Variants in ASAP1 observed in about 807,000 individuals in gnomAD.
ASAP1 encodes arf-GAP with SH3 domain, ANK repeat and PH domain-containing protein 1.
ASAP1 carries 43 observed loss-of-function variants against 145.2 expected under a neutral mutation model. The ratio of observed to expected loss-of-function variants is 0.30; its 90% CI spans 0.23 to 0.38. The LOEUF is 0.38. Ranked by LOEUF, ASAP1 falls within the 10% of genes least tolerant of loss-of-function variation. ASAP1 has a pLI of 1.00. For synonymous variants in ASAP1, 546 were observed against 515.5 expected, an observed-to-expected ratio of 1.06 and a Z score of -0.80; for missense variants, 1,018 against 1,355.3, an observed-to-expected ratio of 0.75 and a Z score of 3.91.
intron 3 of ASAP1, among the ~76,000 whole-genome samples, chr8:130,243,018 T>TA (rs1489834336): frequency 6.6e-6 from 1 of 152,068 alleles, no homozygotes; most frequent in African/African-American, 2.4e-5. Flanking sequence ...TTTAGGCACT[T>TA]ATTCATCCAC....
At chr8:130,147,938 C>T (rs981868833) in intron 13 of ASAP1, among the ~76,000 whole-genome samples, 2 of 152,176 alleles carry the variant, frequency 1.3e-5, no homozygotes, top group East Asian at 3.8e-4. Flanking sequence ...ATTTAATAAT[C>T]GTTGTAAGTG....
intron 1 of ASAP1, among the ~76,000 whole-genome samples, chr8:130,425,439 C>G (rs527846845): frequency 6.6e-6 from 1 of 152,128 alleles, no homozygotes; most frequent in East Asian, 1.9e-4. Context: ...ATCCTTTGAA[C>G]CCGTGAGGCA....
At chr8:130,362,316 C>A (rs556469505) in intron 2 of ASAP1, among the ~76,000 whole-genome samples, 35 of 152,236 alleles carry the variant, frequency 2.3e-4, no homozygotes, top group African/African-American at 8.2e-4. Context: ...TGTTAGCCAG[C>A]GACAGCATTC....
chr8:130,286,465 T>A (rs1327680346), intron 3 of ASAP1, among the ~76,000 whole-genome samples: 3 of 152,212 alleles, frequency 2.0e-5, no homozygotes, highest in African/African-American at 7.2e-5. Context: ...GCTAGAGAAC[T>A]CCTTCATGTA....
At chr8:130,188,741 A>AAAAG (rs1554842808) in intron 5 of ASAP1, among the ~76,000 whole-genome samples, 1 of 145,068 alleles carries the variant, frequency 6.9e-6, no homozygotes, top group Non-Finnish European at 1.5e-5. Flanking sequence ...AAAAAAAAAA[A>AAAAG]AAAAGAAAAG....
chr8:130,441,156 G>C (rs1830475674), intron 1 of ASAP1, among the ~76,000 whole-genome samples: 1 of 152,156 alleles, frequency 6.6e-6, no homozygotes, highest in African/African-American at 2.4e-5. Flanking sequence ...TTGAGAACAG[G>C]GTCCTATTCA....
intron 3 of ASAP1, among the ~76,000 whole-genome samples, chr8:130,347,647 A>G (rs1229639262): frequency 6.6e-6 from 1 of 152,146 alleles, no homozygotes; most frequent in Admixed American, 6.5e-5. Flanking sequence ...CACCCATCAC[A>G]TAACCCCCTC....
intron 15 of ASAP1, 91 bp downstream of exon 15, chr8:130,134,205 T>C (rs946581242): frequency 1.9e-6 from 2 of 1,060,538 alleles, no homozygotes; most frequent in African/African-American, 1.6e-5. Context: ...GCGAGGTTCT[T>C]ACAAATGAAA....
intron 1 of ASAP1, among the ~76,000 whole-genome samples, chr8:130,426,101 T>C (rs867130994): frequency 6.6e-6 from 1 of 152,220 alleles, no homozygotes; most frequent in East Asian, 1.9e-4. Context: ...GATTGAATCA[T>C]GAAAGGTGTT....
intron 24 of ASAP1, among the ~76,000 whole-genome samples, chr8:130,110,072 G>A (rs1466749924): frequency 6.6e-6 from 1 of 152,172 alleles, no homozygotes; most frequent in African/African-American, 2.4e-5. Flanking sequence ...TTTAGTCTTT[G>A]TCTTCTGGGT....
rs917097503 is a variant in ASAP1, at chr8:130,260,295, T to C, written c.187-23301A>G. On this transcript the variant is annotated intron_variant, in intron 3 of 29. Transcript: ENST00000518721. ...TCAAATCACTGTGCACTCTGATTGT[T>C]GGGCTACTAGACCATAAATGAGCTC... 3.9e-5 allele frequency among the ~76,000 whole-genome samples: 6 copies of C among 152,268 alleles called. No individual in the cohort carries two copies. In the East Asian group the frequency reaches 1.2e-3, roughly 29 times the overall value.
intron 29 of ASAP1, among the ~76,000 whole-genome samples, chr8:130,057,657 C>T (rs1265874848): frequency 3.9e-5 from 6 of 152,292 alleles, no homozygotes; most frequent in Middle Eastern, 6.8e-3. Context: ...ACCATGCTGG[C>T]CAGGCTGGTC....
At chr8:130,291,988 G>T (rs778947129) in intron 3 of ASAP1, among the ~76,000 whole-genome samples, 6 of 152,180 alleles carry the variant, frequency 3.9e-5, no homozygotes, top group African/African-American at 7.2e-5. Context: ...AGCCCCAAGT[G>T]AGCCTCCCTT....
chr8:130,416,052 G>A (rs1829462385), intron 1 of ASAP1, among the ~76,000 whole-genome samples: 1 of 152,118 alleles, frequency 6.6e-6, no homozygotes, highest in African/African-American at 2.4e-5. Flanking sequence ...TTTTTAATGA[G>A]GTTTTAAATA....
intron 2 of ASAP1, chr8:130,361,670 C>T: frequency 1.3e-6 from 2 of 1,527,926 alleles, no homozygotes; most frequent in Non-Finnish European, 1.8e-6. Context: ...CTCTACTCAC[C>T]ATTTCTGGGC....
intron 3 of ASAP1, among the ~76,000 whole-genome samples, chr8:130,347,852 C>G (rs1212744826): frequency 1.3e-5 from 2 of 152,192 alleles, no homozygotes; most frequent in Non-Finnish European, 2.9e-5. Flanking sequence ...CATTCTTGCC[C>G]CTCATGTTCC....
intron 3 of ASAP1, among the ~76,000 whole-genome samples, chr8:130,262,252 G>A (rs943847173): frequency 7.9e-5 from 12 of 151,686 alleles, no homozygotes; most frequent in South Asian, 4.2e-4. Context: ...AAAACTAGCC[G>A]GGCACGGTGG....
rs1823352100 is a variant in ASAP1, at chr8:130,311,684, C to T, written c.186+46333G>A. The stretch of plus-strand genomic sequence containing the variant: ...GCTGAGGCAAGAGAATCGCTTGAAC[C>T]CGGGAGGCGGAGGTTGCAGTGAACC... On this transcript the variant is annotated intron_variant, in intron 3 of 29. Coordinates refer to ENST00000518721, the MANE Select transcript of ASAP1 (RefSeq NM_018482.4). Among the ~76,000 whole-genome samples, 4 of 141,832 alleles carry T rather than the reference C, an allele frequency of 2.8e-5. No homozygotes were observed. In the South Asian group the frequency reaches 9.1e-4, roughly 32 times the overall value. 93.0% of individuals were successfully genotyped at this position (141,832 alleles called of 152,430 possible). A position where few individuals can be genotyped will look rare whatever the true frequency, so the allele number is the denominator to read the frequency against.
intron 4 of ASAP1, among the ~76,000 whole-genome samples, chr8:130,217,400 C>G (rs1816995441): frequency 6.6e-6 from 1 of 151,562 alleles, no homozygotes; most frequent in Non-Finnish European, 1.5e-5. Flanking sequence ...CCTTCCTTGC[C>G]CACAATTCTC....
Sources: allele counts gnomAD v4.1 joint callset (sites outside exome capture counted in the v4.1 genomes callset), GRCh38; gene constraint gnomAD v4.1.1; transcripts MANE v1.5; gene names NCBI Gene and HGNC (gene_info 2026-07-23, HGNC 2026-07-21).